SLC39A8: variants seen among roughly 807,000 people sequenced by gnomAD.
SLC39A8 encodes the protein solute carrier family 39 member 8, also known as metal cation symporter ZIP8.
Under a neutral mutation model 40.4 loss-of-function variants are expected in SLC39A8, and 15 were observed. The ratio of observed to expected loss-of-function variants is 0.37; its 90% CI spans 0.25 to 0.57. The LOEUF (loss-of-function observed/expected upper bound fraction) is 0.57, where lower values mean the gene tolerates loss of function less well. Ranked by LOEUF, SLC39A8 falls within the 20% of genes least tolerant of loss-of-function variation. The pLI is 0.75. For synonymous variants in SLC39A8, 223 were observed against 221.6 expected (o/e 1.01, Z -0.06); for missense variants, 472 against 558.8 (o/e 0.84, Z 1.57).
intron 2 of SLC39A8, among the ~76,000 whole-genome samples, chr4:102,317,906 C>T (rs934401743): frequency 1.3e-5 from 2 of 152,182 alleles, no homozygotes; most frequent in African/African-American, 2.4e-5. Flanking sequence ...AGGACGCCCA[C>T]TTGCTAAGGC....
intron 3 of SLC39A8, among the ~76,000 whole-genome samples, chr4:102,313,203 T>A (rs1433837539): frequency 6.6e-6 from 1 of 152,150 alleles, no homozygotes; most frequent in Admixed American, 6.6e-5. Context: ...CAACCTGGGC[T>A]GAATCTGGCT....
intron 6 of SLC39A8, among the ~76,000 whole-genome samples, chr4:102,292,427 G>C (rs1028482204): frequency 2.0e-5 from 3 of 151,978 alleles, no homozygotes; most frequent in Non-Finnish European, 4.4e-5. Context: ...AACTGCCATG[G>C]AGGCCCTGTT....
intron 2 of SLC39A8, among the ~76,000 whole-genome samples, chr4:102,343,780 G>A (rs1008057626): frequency 1.3e-5 from 2 of 152,156 alleles, no homozygotes; most frequent in Admixed American, 6.5e-5. Context: ...GTAGTACCCT[G>A]TTTATTACTG....
downstream of SLC39A8, among the ~76,000 whole-genome samples, chr4:102,257,335 A>T (rs1424268440): frequency 6.6e-6 from 1 of 151,998 alleles, no homozygotes; most frequent in Non-Finnish European, 1.5e-5. Flanking sequence ...ATTTATTTTT[A>T]ATTGTATTTC....
At chr4:102,307,725 G>T in intron 3 of SLC39A8, 120 bp from the exon 4 acceptor site, 1 of 934,528 alleles carries the variant, frequency 1.1e-6, no homozygotes, top group Non-Finnish European at 1.6e-6. Flanking sequence ...TTCTTTAAAA[G>T]AACAAAATCT....
At chr4:102,302,153 C>T (rs1222751280) in intron 6 of SLC39A8, among the ~76,000 whole-genome samples, 1 of 152,022 alleles carries the variant, frequency 6.6e-6, no homozygotes, top group Non-Finnish European at 1.5e-5. Context: ...AAAGCTCCTT[C>T]TCTGTAGAAG....
chr4:102,261,810 A>G lies in SLC39A8; in HGVS notation c.*1234T>C. Reference sequence around the variant, plus strand: ...AAAACATTTTTTGGTCTGTTGGAAAATGTAATTCCTGAGATCATTGTTGGG... The same window carrying G: ...AAAACATTTTTTGGTCTGTTGGAAAGTGTAATTCCTGAGATCATTGTTGGG... On this transcript the variant is annotated 3_prime_UTR_variant, in exon 9 of 9. Transcript: ENST00000356736. 1 of 985,990 alleles carries G rather than the reference A, an allele frequency of 1.0e-6. No homozygotes were observed. The highest frequency in any genetic ancestry group is 1.2e-6 in the Non-Finnish European group (1 of 829,940). The allele number at this position is 985,990 out of a possible 1,614,324, so 61.1% of individuals were successfully genotyped here. A position where few individuals can be genotyped will look rare whatever the true frequency, so the allele number is the denominator to read the frequency against.
chr4:102,278,613 A>G (rs1732730125), intron 6 of SLC39A8, among the ~76,000 whole-genome samples: 1 of 152,160 alleles, frequency 6.6e-6, no homozygotes, highest in African/African-American at 2.4e-5. Flanking sequence ...CAGAAATGCC[A>G]TTTGACCCAG....
downstream of SLC39A8, among the ~76,000 whole-genome samples, chr4:102,260,145 C>A (rs553725522): frequency 5.9e-5 from 9 of 152,272 alleles, no homozygotes; most frequent in African/African-American, 2.2e-4. Flanking sequence ...TGATCTGAAA[C>A]AAGTCATGAG....
intron 3 of SLC39A8, among the ~76,000 whole-genome samples, chr4:102,313,532 A>G (rs748833345): frequency 2.0e-5 from 3 of 151,992 alleles, no homozygotes; most frequent in Non-Finnish European, 2.9e-5. Context: ...TTTCTTCTCT[A>G]TCTTTACTCT....
chr4:102,314,035 G>A (rs769708819), intron 3 of SLC39A8, among the ~76,000 whole-genome samples: 9 of 151,894 alleles, frequency 5.9e-5, no homozygotes, highest in South Asian at 4.2e-4. Context: ...AAGCAACCAC[G>A]CCAAAAATTA....
intron 4 of SLC39A8, among the ~76,000 whole-genome samples, 177 bp downstream of exon 4, chr4:102,307,258 TA>T (rs1413415921): frequency 2.6e-5 from 4 of 152,086 alleles, no homozygotes; most frequent in African/African-American, 9.7e-5. Context: ...CTGATAGTGA[TA>T]TCCACTGCAG....
At position 102,267,491 on chromosome 4, in the gene SLC39A8, A is replaced by G. The variant is rs1229240428; in HGVS notation, c.1232T>C (p.Met411Thr). The change falls in exon 8 of 9, where the codon ATG becomes ACG. Residue 411 changes from methionine (M) to threonine (T), a missense_variant and splice_region_variant. Transcript: ENST00000356736. ...GMFLYISLADMFPEMNDMLRE... is the reference protein window; with the variant it reads ...GMFLYISLADTFPEMNDMLRE... Reference sequence around the variant, plus strand: ...AAATACAAATTTTAAGCTTCTTACCATATCTGCCAGAGAAATATAGAGGAA... The same window carrying G: ...AAATACAAATTTTAAGCTTCTTACCGTATCTGCCAGAGAAATATAGAGGAA... 6.3e-7 allele frequency: 1 copy of G among 1,594,376 alleles called. No homozygotes were observed. The highest frequency in any genetic ancestry group is 8.5e-7 in the Non-Finnish European group (1 of 1,173,710).
intron 2 of SLC39A8, among the ~76,000 whole-genome samples, chr4:102,321,006 G>A (rs1346906579): frequency 6.6e-6 from 1 of 151,672 alleles, no homozygotes; most frequent in Non-Finnish European, 1.5e-5. Context: ...TAAAAGTCTA[G>A]GTATAATATT....
At chr4:102,295,447 C>T (rs17032492) in intron 6 of SLC39A8, among the ~76,000 whole-genome samples, 2,157 of 152,116 alleles carry the variant, frequency 0.014, 54 homozygotes, top group African/African-American at 0.049. Context: ...GTTCTCCAAA[C>T]AGAGTAAATA....
intron 6 of SLC39A8, among the ~76,000 whole-genome samples, chr4:102,274,296 G>A (rs1459283693): frequency 3.3e-5 from 5 of 152,146 alleles, no homozygotes; most frequent in Admixed American, 6.5e-5. Context: ...CAAGAACTTC[G>A]TGAAGCATAC....
chr4:102,302,130 T>C (rs974487), intron 6 of SLC39A8, among the ~76,000 whole-genome samples: 1 of 151,982 alleles, frequency 6.6e-6, no homozygotes, highest in Non-Finnish European at 1.5e-5. Context: ...TTGTTCAAGG[T>C]TGGACCAGGT....
At chr4:102,298,186 T>G (rs1056682710) in intron 6 of SLC39A8, among the ~76,000 whole-genome samples, 1 of 151,826 alleles carries the variant, frequency 6.6e-6, no homozygotes, top group African/African-American at 2.4e-5. Flanking sequence ...AAAAAAAAAC[T>G]TTAGAACAGT....
chr4:102,291,355 C>T (rs233807), intron 6 of SLC39A8, among the ~76,000 whole-genome samples: 25,456 of 151,810 alleles, frequency 0.17, 2,507 homozygotes, highest in Middle Eastern at 0.23. Context: ...GCAACACGTC[C>T]TAAATACACT....
Sources: gnomAD v4.1 joint callset for allele counts (sites outside exome capture counted in the v4.1 genomes callset) on GRCh38, gnomAD v4.1.1 for gene constraint, MANE v1.5 for transcripts, NCBI Gene and HGNC (gene_info 2026-07-23, HGNC 2026-07-21) for gene names.